The following TMEM131L variants were observed in gnomAD, a reference collection of about 807,000 sequenced individuals.
The protein encoded by TMEM131L is transmembrane protein 131-like.
In TMEM131L, 54 loss-of-function variants were observed where a neutral mutation model predicts 192.2. The observed-to-expected ratio is 0.28, with a 90% CI of 0.23 to 0.35. TMEM131L has a LOEUF of 0.35. Among genes scored for constraint, TMEM131L ranks in the 10% least tolerant of loss-of-function variants. TMEM131L has a pLI of 1.00. For synonymous variants in TMEM131L, 701 were observed against 704.9 expected, an observed-to-expected ratio of 0.99 and a Z score of 0.09; for missense variants, 1,888 against 1,972.9, an observed-to-expected ratio of 0.96 and a Z score of 0.82.
At chr4:153,634,422 G>C in intron 33 of TMEM131L, 142 bp downstream of exon 33, 1 of 670,948 alleles carries the variant, frequency 1.5e-6, no homozygotes, top group Middle Eastern at 2.5e-4. Flanking sequence ...ATGGCTTCAT[G>C]TGGATCCAGT....
At chr4:153,476,689 T>A (rs969793718) in intron 3 of TMEM131L, among the ~76,000 whole-genome samples, 9 of 151,674 alleles carry the variant, frequency 5.9e-5, no homozygotes, top group Admixed American at 5.3e-4. Flanking sequence ...AGATTCCATC[T>A]CAAAAAAAAC....
At chr4:153,478,498 C>T (rs957266652) in intron 3 of TMEM131L, among the ~76,000 whole-genome samples, 3 of 152,146 alleles carry the variant, frequency 2.0e-5, no homozygotes, top group Non-Finnish European at 4.4e-5. Flanking sequence ...ATGTTAATGT[C>T]TTATATTACT....
intron 3 of TMEM131L, among the ~76,000 whole-genome samples, chr4:153,518,439 A>T (rs1376286065): frequency 6.6e-6 from 1 of 152,238 alleles, no homozygotes; most frequent in East Asian, 1.9e-4. Flanking sequence ...CTATGAAAAT[A>T]AGATGCAGAC....
chr4:153,589,893 G>A (rs779766305), intron 16 of TMEM131L, among the ~76,000 whole-genome samples: 4 of 152,100 alleles, frequency 2.6e-5, no homozygotes, highest in East Asian at 1.9e-4. Context: ...ACTTTTGGCC[G>A]AGTCATCAAA....
At position 153,555,199 on chromosome 4, in the gene TMEM131L, T is replaced by C. The variant is rs1737899579; in HGVS notation, c.309-588T>C. 6.6e-6 allele frequency among the ~76,000 whole-genome samples: 1 copy of C among 152,146 alleles called. No homozygotes were observed. The highest frequency in any genetic ancestry group is 6.6e-5 in the Admixed American group (1 of 15,266). ...AGAATAGCCTTTAGCCATAATTAAG[T>C]TTTCCTTTTCTAAGACCTAATAAAA... is the stretch of plus-strand genomic sequence containing the variant. On this transcript the variant is annotated intron_variant, in intron 4 of 34. Coordinates refer to ENST00000409959, the MANE Select transcript of TMEM131L (RefSeq NM_001131007.2). The surrounding 1 kb of genome is among the most constrained non-coding windows in gnomAD (Gnocchi z 4.1).
intron 25 of TMEM131L, among the ~76,000 whole-genome samples, chr4:153,609,717 A>G (rs1732484042): frequency 6.6e-6 from 1 of 152,208 alleles, no homozygotes; most frequent in African/African-American, 2.4e-5. Context: ...AGAAACTTTG[A>G]TGACTAATAC....
chr4:153,511,258 A>G (rs1734336387), intron 3 of TMEM131L, among the ~76,000 whole-genome samples: 1 of 152,220 alleles, frequency 6.6e-6, no homozygotes, highest in South Asian at 2.1e-4. Context: ...TAGACTGCCT[A>G]AAGAAAATGT....
At chr4:153,635,638 A>C in intron 34 of TMEM131L, 67 bp downstream of exon 34, 1 of 1,567,766 alleles carries the variant, frequency 6.4e-7, no homozygotes, top group South Asian at 1.1e-5. Context: ...TGCTTCCTTA[A>C]TCCTGGTCTC....
At chr4:153,535,137 C>T (rs1736215201) in intron 3 of TMEM131L, among the ~76,000 whole-genome samples, 1 of 152,156 alleles carries the variant, frequency 6.6e-6, no homozygotes, top group Non-Finnish European at 1.5e-5. Context: ...TCAGGTGTGG[C>T]AGTGGGCCTG....
At chr4:153,628,683 A>C (rs1254581126) in intron 31 of TMEM131L, among the ~76,000 whole-genome samples, 1 of 152,232 alleles carries the variant, frequency 6.6e-6, no homozygotes, top group African/African-American at 2.4e-5. Flanking sequence ...CATAGTTTGC[A>C]AAGGCAAGAT....
chr4:153,548,082 GGT>G (rs768473302), intron 3 of TMEM131L, among the ~76,000 whole-genome samples: 42 of 151,966 alleles, frequency 2.8e-4, no homozygotes, highest in Admixed American at 1.6e-3. Context: ...GGGTCCCTGT[GGT>G]GGACCTGCTG....
In TMEM131L at chr4:153,626,129, G is replaced by A; in HGVS notation, c.4046-18G>A. 2 of 1,548,680 alleles carry A rather than the reference G, an allele frequency of 1.3e-6. No individual in the cohort carries two copies. The highest frequency in any genetic ancestry group is 2.2e-5 in the East Asian group (1 of 44,504). ...TGTACTTTTTGAAACTTGTGATAAT[G>A]TGTTTCTTTTAATGCAGGAGACAGT... is the stretch of plus-strand genomic sequence containing the variant. On this transcript the variant is annotated intron_variant, in intron 29 of 34. Transcript: ENST00000409959.
chr4:153,607,649 T>C (rs1192056558), intron 25 of TMEM131L, among the ~76,000 whole-genome samples: 1 of 152,218 alleles, frequency 6.6e-6, no homozygotes, highest in African/African-American at 2.4e-5. Flanking sequence ...TAAGAATACC[T>C]TAAGTGATTT....
intron 3 of TMEM131L, among the ~76,000 whole-genome samples, chr4:153,534,872 C>A (rs1736193783): frequency 6.6e-6 from 1 of 152,198 alleles, no homozygotes; most frequent in Non-Finnish European, 1.5e-5. Flanking sequence ...CCAGTGAAGC[C>A]AGAAGACCCT....
In TMEM131L at chr4:153,476,466, G is replaced by A. The variant is rs371282404; in HGVS notation, c.239+2578G>A. 1.4e-4 allele frequency among the ~76,000 whole-genome samples: 22 copies of A among 152,246 alleles called. No homozygotes were observed. The East Asian group carries it at 4.2e-3, about 29-fold the overall frequency. ...TAATCACAGCACTTTGGGAAGCTGA[G>A]GCAGGCGGATCACGAGGTCAGGTGA... On this transcript the variant is annotated intron_variant, in intron 3 of 34. Transcript: ENST00000409959.
chr4:153,596,250 AT>A lies in TMEM131L; in HGVS notation c.1996-5del, dbSNP rs767030688. The A allele has an allele frequency of 2.5e-6, 4 of 1,613,260 alleles. No homozygotes were observed. Among genetic ancestry groups the A allele is most frequent in the Non-Finnish European group, 8.5e-7 (1 of 1,179,576 alleles). On this transcript the variant is annotated splice_polypyrimidine_tract_variant and splice_region_variant and intron_variant, in intron 19 of 34. Coordinates refer to ENST00000409959, the MANE Select transcript of TMEM131L (RefSeq NM_001131007.2). ...GAGTATGACATGGTTTAATTTGTTA[AT>A]TTGCAGGGTACGCATTCTGAGGAAT...
At chr4:153,564,841 C>T (rs1034980009) in intron 7 of TMEM131L, among the ~76,000 whole-genome samples, 3 of 152,216 alleles carry the variant, frequency 2.0e-5, no homozygotes, top group Non-Finnish European at 1.5e-5. Flanking sequence ...AAAGTCCAAG[C>T]TCCTTTGCTT....
intron 16 of TMEM131L, among the ~76,000 whole-genome samples, chr4:153,590,044 A>C (rs1361681908): frequency 1.3e-5 from 2 of 152,254 alleles, no homozygotes; most frequent in African/African-American, 4.8e-5. Context: ...TATATTGTTT[A>C]ATATACAGTC....
intron 7 of TMEM131L, 99 bp from the exon 8 acceptor site, chr4:153,580,727 G>GA (rs1239166074): frequency 2.9e-6 from 2 of 689,032 alleles, no homozygotes; most frequent in East Asian, 2.7e-5. Context: ...TTGAATAAAT[G>GA]AAAAAGTGTA....
Sources: gnomAD v4.1 joint callset for allele counts (sites outside exome capture counted in the v4.1 genomes callset) on GRCh38, gnomAD v4.1.1 for gene constraint, Gnocchi (gnomAD v3.1) non-coding constraint, MANE v1.5 for transcripts, NCBI Gene and HGNC (gene_info 2026-07-23, HGNC 2026-07-21) for gene names.